Variants in PADI1 observed in about 807,000 individuals in gnomAD.
PADI1 encodes the protein peptidyl arginine deiminase 1.
PADI1 carries 65 observed loss-of-function variants against 74.8 expected under a neutral mutation model. The ratio of observed to expected loss-of-function variants is 0.87; its 90% confidence interval spans 0.71 to 1.07. The LOEUF is 1.07. Ranked by LOEUF, PADI1 falls within the 50% of genes least tolerant of loss-of-function variation. The probability of loss-of-function intolerance (pLI) is 0.00; values close to 1 mark genes in which losing one functional copy is unlikely to be tolerated. For missense variants in PADI1, 943 were observed against 854.0 expected (o/e 1.10, Z -1.30); for synonymous variants, 371 against 336.2 (o/e 1.10, Z -1.13).
chr1:17,239,854 G>T lies in PADI1; in HGVS notation c.1632+71G>T, dbSNP rs574143814. 17 of 1,283,842 alleles carry T rather than the reference G, an allele frequency of 1.3e-5. No homozygotes were observed. The South Asian group carries it at 2.1e-4, about 16-fold the overall frequency. The allele number at this position is 1,283,842 out of a possible 1,614,324, so 79.5% of individuals were successfully genotyped here. A position where few individuals can be genotyped will look rare whatever the true frequency, so the allele number is the denominator to read the frequency against. ...CAGGGAGAAGAAGCCCCAGGAACTG[G>T]GTTGGGTCAGAGATTCAGCGCTGGA... On this transcript the variant is annotated intron_variant, in intron 14 of 15. Coordinates refer to ENST00000375471, the MANE Select transcript of PADI1 (RefSeq NM_013358.3).
intron 11 of PADI1, among the ~76,000 whole-genome samples, chr1:17,235,926 C>T (rs1006300423): frequency 1.3e-5 from 2 of 152,312 alleles, no homozygotes; most frequent in East Asian, 1.9e-4. Flanking sequence ...TGAGGGGTCT[C>T]CTGTGTGGAC....
At chr1:17,242,159 T>C (rs905142220) in intron 15 of PADI1, among the ~76,000 whole-genome samples, 1 of 152,202 alleles carries the variant, frequency 6.6e-6, no homozygotes, top group Non-Finnish European at 1.5e-5. Flanking sequence ...CCTCGCAGGA[T>C]GCTTAGCGGC....
At chr1:17,216,131 G>A (rs1487819747) in intron 1 of PADI1, among the ~76,000 whole-genome samples, 1 of 152,170 alleles carries the variant, frequency 6.6e-6, no homozygotes, top group African/African-American at 2.4e-5. Flanking sequence ...AAGAGGGCGT[G>A]GGGAGGGAAA....
At chr1:17,215,605 T>C (rs559201003) in intron 1 of PADI1, among the ~76,000 whole-genome samples, 16 of 152,222 alleles carry the variant, frequency 1.1e-4, no homozygotes, top group Non-Finnish European at 2.4e-4. Context: ...CTGGGTGCCC[T>C]GGGCTTGTGG....
chr1:17,226,393 C>G (rs2072312399), intron 6 of PADI1, among the ~76,000 whole-genome samples: 1 of 152,208 alleles, frequency 6.6e-6, no homozygotes, highest in South Asian at 2.1e-4. Context: ...GCACAACCAT[C>G]TGGGGTGGAG....
intron 1 of PADI1, among the ~76,000 whole-genome samples, chr1:17,218,640 A>C (rs1557456394): frequency 6.6e-6 from 1 of 152,164 alleles, no homozygotes; most frequent in African/African-American, 2.4e-5. Flanking sequence ...GGCTGATTAG[A>C]GGCAGGTTGC....
chr1:17,224,890 G>T (rs1479934804), intron 4 of PADI1, among the ~76,000 whole-genome samples: 1 of 150,678 alleles, frequency 6.6e-6, no homozygotes, highest in Non-Finnish European at 1.5e-5. Context: ...CACCCCACAG[G>T]AACTATCTGG....
chr1:17,216,414 G>A (rs2071979732), intron 1 of PADI1, among the ~76,000 whole-genome samples: 1 of 152,120 alleles, frequency 6.6e-6, no homozygotes. Context: ...TTGCTGAGGG[G>A]CTGGCTGTGC....
chr1:17,238,144 G>A (rs553590716), intron 12 of PADI1, among the ~76,000 whole-genome samples: 5 of 152,248 alleles, frequency 3.3e-5, no homozygotes, highest in Admixed American at 6.5e-5. Context: ...CACCTGCTGG[G>A]TTCAAGCGAT....
At chr1:17,221,567 G>A (rs1469432725) in intron 1 of PADI1, among the ~76,000 whole-genome samples, 1 of 152,124 alleles carries the variant, frequency 6.6e-6, no homozygotes, top group African/African-American at 2.4e-5. Context: ...GAGTGATTGG[G>A]TGGGGGCAGG....
intron 1 of PADI1, among the ~76,000 whole-genome samples, chr1:17,217,407 T>A (rs1170584029): frequency 6.6e-6 from 1 of 152,126 alleles, no homozygotes; most frequent in Non-Finnish European, 1.5e-5. Flanking sequence ...ACAGTCACCC[T>A]GGTAAAAAGT....
intron 11 of PADI1, among the ~76,000 whole-genome samples, chr1:17,237,099 C>T (rs962810583): frequency 2.0e-5 from 3 of 152,222 alleles, no homozygotes; most frequent in Admixed American, 1.3e-4. Flanking sequence ...ACACTTACTG[C>T]GAGGACCCTA....
At chr1:17,208,363 G>A (rs2071734113) in intron 1 of PADI1, among the ~76,000 whole-genome samples, 2 of 151,234 alleles carry the variant, frequency 1.3e-5, no homozygotes, top group African/African-American at 4.9e-5. Context: ...AGCATGTGCT[G>A]CAGGTCCCAT....
intron 6 of PADI1, among the ~76,000 whole-genome samples, chr1:17,227,650 C>T (rs919131694): frequency 1.5e-4 from 23 of 152,320 alleles, no homozygotes; most frequent in African/African-American, 5.3e-4. Context: ...TACCCCTTCC[C>T]GATTCCCCTT....
intron 10 of PADI1, among the ~76,000 whole-genome samples, chr1:17,231,162 T>G (rs3003408): frequency 0.42 from 64,491 of 151,976 alleles, 13,893 homozygotes; most frequent in South Asian, 0.48. Flanking sequence ...CCACCGTTAC[T>G]TATTGAGTTC....
intron 15 of PADI1, among the ~76,000 whole-genome samples, 198 bp downstream of exon 15, chr1:17,240,958 G>A (rs762053705): frequency 1.3e-5 from 2 of 152,288 alleles, no homozygotes; most frequent in Admixed American, 6.5e-5. Context: ...TTTTGTTGCC[G>A]CAGTGAGGTG....
intron 1 of PADI1, among the ~76,000 whole-genome samples, chr1:17,215,444 G>C (rs1414747121): frequency 6.6e-6 from 1 of 151,882 alleles, no homozygotes; most frequent in Admixed American, 6.6e-5. Flanking sequence ...CAAATAGGGG[G>C]CTGTGACTTA....
chr1:17,213,882 C>T (rs1283983441), intron 1 of PADI1, among the ~76,000 whole-genome samples: 2 of 152,212 alleles, frequency 1.3e-5, no homozygotes, highest in Non-Finnish European at 2.9e-5. Flanking sequence ...TCTAAGAATT[C>T]ACCCCATTCT....
chr1:17,208,080 A>G (rs2071727926), intron 1 of PADI1, among the ~76,000 whole-genome samples: 1 of 152,218 alleles, frequency 6.6e-6, no homozygotes, highest in African/African-American at 2.4e-5. Context: ...CCCTTCACCC[A>G]GTGTCTGACT....
Sources: allele counts gnomAD v4.1 joint callset (sites outside exome capture counted in the v4.1 genomes callset), GRCh38; gene constraint gnomAD v4.1.1; transcripts MANE v1.5; gene names NCBI Gene and HGNC (gene_info 2026-07-23, HGNC 2026-07-21).